SRGAP2C: variants seen among roughly 807,000 people sequenced by gnomAD.
SRGAP2C encodes the protein SLIT-ROBO Rho GTPase-activating protein 2C.
A neutral mutation model predicts 25.1 loss-of-function variants in SRGAP2C; 15 were observed. The ratio of observed to expected loss-of-function variants is 0.60; its 90% CI spans 0.40 to 0.92. The LOEUF (loss-of-function observed/expected upper bound fraction) is 0.92. Ranked by LOEUF, SRGAP2C falls within the 40% of genes least tolerant of loss-of-function variation. The pLI is 0.00. For synonymous variants in SRGAP2C, 44 were observed against 96.6 expected, an observed-to-expected ratio of 0.46 and a Z score of 3.19; for missense variants, 144 against 264.4, an observed-to-expected ratio of 0.54 and a Z score of 3.16.
intron 8 of SRGAP2C, among the ~76,000 whole-genome samples, chr1:121,384,802 G>C (rs1436720897): frequency 6.6e-6 from 1 of 151,978 alleles, no homozygotes; most frequent in Non-Finnish European, 1.5e-5. Context: ...CTTGCACCCT[G>C]GTAGCGGACC....
At chr1:121,201,801 G>A (rs1356290601) in intron 2 of SRGAP2C, among the ~76,000 whole-genome samples, 4 of 152,194 alleles carry the variant, frequency 2.6e-5, no homozygotes, top group African/African-American at 9.7e-5. Context: ...AAAATTATCC[G>A]ATAACGTTAG....
intron 2 of SRGAP2C, among the ~76,000 whole-genome samples, chr1:121,233,141 G>A (rs1300286554): frequency 1.4e-4 from 19 of 139,252 alleles, no homozygotes; most frequent in African/African-American, 5.1e-4. Context: ...TCTCCCCCTT[G>A]GTTCTTTTTT....
rs1215187717 is a variant in SRGAP2C, at chr1:121,302,423, T to TA, written c.260+17429dup. Among the ~76,000 whole-genome samples, 2 of 148,752 alleles carry TA rather than the reference T, an allele frequency of 1.3e-5. 1 individual carries two copies. The highest frequency in any genetic ancestry group is 4.9e-5 in the African/African-American group (2 of 40,596). On this transcript the variant is annotated intron_variant, in intron 3 of 9. Transcript: ENST00000367123. Reference sequence around the variant, plus strand: ...AGATTGCCCCAAAATGTTAACATATTACTACATTTGCTTTATACTTCACCC... The same window carrying TA: ...AGATTGCCCCAAAATGTTAACATATTAACTACATTTGCTTTATACTTCACCC...
chr1:121,212,365 C>T (rs1191330897), intron 2 of SRGAP2C, among the ~76,000 whole-genome samples: 4 of 151,902 alleles, frequency 2.6e-5, no homozygotes, highest in South Asian at 4.2e-4. Flanking sequence ...CACTTGACCT[C>T]GTGATCTGCT....
At chr1:121,255,049 A>G (rs1445314753) in intron 2 of SRGAP2C, among the ~76,000 whole-genome samples, 2 of 150,644 alleles carry the variant, frequency 1.3e-5, no homozygotes, top group Non-Finnish European at 3.0e-5. Context: ...AGAGTGAGAA[A>G]CTTTCTCCCT....
At chr1:121,359,789 G>C (rs1659145577) in intron 4 of SRGAP2C, among the ~76,000 whole-genome samples, 3 of 151,870 alleles carry the variant, frequency 2.0e-5, no homozygotes, top group Non-Finnish European at 2.9e-5. Flanking sequence ...AAGAAAGAAA[G>C]AAAAGAAAAA....
intron 4 of SRGAP2C, among the ~76,000 whole-genome samples, chr1:121,355,455 C>T (rs1392821062): frequency 1.2e-5 from 1 of 81,602 alleles, no homozygotes; most frequent in Admixed American, 1.3e-4. Flanking sequence ...ATAGCTGGGA[C>T]TACAGGTGCC....
At chr1:121,236,085 G>A (rs1384662788) in intron 2 of SRGAP2C, among the ~76,000 whole-genome samples, 92 of 140,668 alleles carry the variant, frequency 6.5e-4, no homozygotes, top group African/African-American at 2.4e-3. Context: ...AAAAAAAAAG[G>A]TGTTCCAGGA....
At position 121,324,516 on chromosome 1, in the gene SRGAP2C, A is replaced by G. The variant is rs1271112785; in HGVS notation, c.299A>G (p.Asn100Ser). Residue 100 changes from asparagine (N) to serine (S), a missense_variant, in exon 4 of 10, where the codon AAT becomes AGT. Around this residue, in one of 5 missense-constraint regions of SRGAP2C, gnomAD observed 61 missense variants for 61.7 expected, o/e 0.99. Coordinates refer to ENST00000367123, the MANE Select transcript of SRGAP2C (RefSeq NM_001329984.2). ...GTTCTCTCTCCAGTCAACTGCTGGAATCTCCTCTTAAACCAGGTGAAGTGG... is the reference window on the plus strand; with the variant it reads ...GTTCTCTCTCCAGTCAACTGCTGGAGTCTCCTCTTAAACCAGGTGAAGTGG... ...QNVLSPVNCW[N>S]LLLNQVKWES... The G allele has an allele frequency of 2.5e-6, 4 of 1,613,234 alleles. No homozygotes were observed. The highest frequency in any genetic ancestry group is 3.3e-5 in the Admixed American group (2 of 59,972).
intron 2 of SRGAP2C, among the ~76,000 whole-genome samples, chr1:121,228,620 T>A (rs1553326999): frequency 6.6e-6 from 1 of 150,786 alleles, no homozygotes; most frequent in East Asian, 2.0e-4. Context: ...TGCCCAGGGG[T>A]TCATGATCAC....
At chr1:121,367,059 C>T (rs1229791601) in intron 5 of SRGAP2C, among the ~76,000 whole-genome samples, 1 of 151,018 alleles carries the variant, frequency 6.6e-6, no homozygotes, top group Non-Finnish European at 1.5e-5. Context: ...CTTAAGACAG[C>T]CCAATATTGG....
intron 3 of SRGAP2C, among the ~76,000 whole-genome samples, chr1:121,316,999 C>G (rs1658113460): frequency 6.7e-6 from 1 of 150,284 alleles, no homozygotes; most frequent in South Asian, 2.1e-4. Context: ...ATAGAGAGAG[C>G]TGGTGGGCAG....
intron 2 of SRGAP2C, among the ~76,000 whole-genome samples, chr1:121,230,781 A>G (rs1483788583): frequency 6.6e-6 from 1 of 152,064 alleles, no homozygotes; most frequent in African/African-American, 2.4e-5. Context: ...ACTTGGAACC[A>G]ACCCAAATGC....
At chr1:121,208,745 T>G (rs1655178474) in intron 2 of SRGAP2C, among the ~76,000 whole-genome samples, 1 of 151,940 alleles carries the variant, frequency 6.6e-6, no homozygotes. Flanking sequence ...TCTAGCAGAG[T>G]GCTTAGCATA....
In SRGAP2C at chr1:121,391,483, A is replaced by G. The variant is rs1570845902; in HGVS notation, c.*3628A>G. 1 of 152,248 alleles carries G rather than the reference A, an allele frequency of 6.6e-6. No individual in the cohort carries two copies. The highest frequency in any genetic ancestry group is 2.4e-5 in the African/African-American group (1 of 41,458). The allele number at this position is 152,248 out of a possible 1,614,324, so 9.4% of individuals were successfully genotyped here. The stretch of plus-strand genomic sequence containing the variant: ...TACAGACATATTTTGCTGGACAATG[A>G]TTACTTGCTTTTCTTTTTGTTTTTC... On this transcript the variant is annotated 3_prime_UTR_variant, in exon 10 of 10. Transcript: ENST00000367123.
intron 5 of SRGAP2C, among the ~76,000 whole-genome samples, chr1:121,365,679 A>G (rs1429496120): frequency 1.1e-5 from 1 of 92,350 alleles, no homozygotes; most frequent in Non-Finnish European, 2.3e-5. Context: ...GGGACCCTGA[A>G]CTAATGGCAA....
intron 2 of SRGAP2C, among the ~76,000 whole-genome samples, chr1:121,255,341 A>G (rs1161374634): frequency 6.6e-6 from 1 of 151,802 alleles, no homozygotes; most frequent in South Asian, 2.1e-4. Flanking sequence ...TGATTTCAGA[A>G]TAAGTGCTTC....
At chr1:121,217,644 C>A (rs1336367937) in intron 2 of SRGAP2C, among the ~76,000 whole-genome samples, 2 of 152,166 alleles carry the variant, frequency 1.3e-5, no homozygotes, top group Non-Finnish European at 2.9e-5. Flanking sequence ...TGTCTTTCTG[C>A]TGCTGCAGAC....
At chr1:121,212,288 G>A (rs1396085143) in intron 2 of SRGAP2C, among the ~76,000 whole-genome samples, 1 of 145,222 alleles carries the variant, frequency 6.9e-6, no homozygotes, top group Non-Finnish European at 1.5e-5. Context: ...CCGCCACCAC[G>A]CTCGGCTAAT....
Sources: gnomAD v4.1 joint callset for allele counts (sites outside exome capture counted in the v4.1 genomes callset) on GRCh38, gnomAD v4.1.1 for gene constraint, gnomAD v4.1.1 regional missense constraint, MANE v1.5 for transcripts, NCBI Gene and HGNC (gene_info 2026-07-23, HGNC 2026-07-21) for gene names.